Variants in LAMA2 observed in about 807,000 individuals in gnomAD.
The protein encoded by LAMA2 is laminin subunit alpha 2.
LAMA2 carries 269 observed loss-of-function variants against 364.8 expected under a neutral mutation model. The observed-to-expected ratio is 0.74, with a 90% CI of 0.67 to 0.82. The LOEUF is 0.82. Ranked by LOEUF, LAMA2 falls within the 40% of genes least tolerant of loss-of-function variation. The pLI is 0.00. For missense variants in LAMA2, 3,807 were observed against 3,873.2 expected (o/e 0.98, Z 0.45); for synonymous variants, 1,379 against 1,370.6 (o/e 1.01, Z -0.14).
chr6:129,128,821 T>G (rs900288052), intron 4 of LAMA2, among the ~76,000 whole-genome samples: 2 of 152,222 alleles, frequency 1.3e-5, no homozygotes, highest in African/African-American at 4.8e-5. Context: ...TACAGTAAAA[T>G]CCTTTATTCT....
intron 1 of LAMA2, among the ~76,000 whole-genome samples, chr6:128,936,915 A>G (rs1289500615): frequency 6.6e-6 from 1 of 152,178 alleles, no homozygotes; most frequent in African/African-American, 2.4e-5. Flanking sequence ...TGCCAGGTGC[A>G]TATGATATCA....
At chr6:128,885,363 A>G (rs1776089148) in intron 1 of LAMA2, among the ~76,000 whole-genome samples, 1 of 152,206 alleles carries the variant, frequency 6.6e-6, no homozygotes, top group East Asian at 1.9e-4. Context: ...TTCTCAAAGG[A>G]CAAATTTAGA....
chr6:128,997,960 G>C (rs1218978681), intron 1 of LAMA2, among the ~76,000 whole-genome samples: 2 of 152,094 alleles, frequency 1.3e-5, no homozygotes, highest in Non-Finnish European at 2.9e-5. Context: ...AGCCAGGAAG[G>C]AGAGAGTGAA....
At chr6:129,194,322 G>T (rs1781713084) in intron 12 of LAMA2, among the ~76,000 whole-genome samples, 2 of 152,004 alleles carry the variant, frequency 1.3e-5, no homozygotes, top group South Asian at 2.1e-4. Flanking sequence ...GCTTATAATA[G>T]AAATATTCTT....
At chr6:129,477,273 G>T (rs1784111651) in intron 53 of LAMA2, among the ~76,000 whole-genome samples, 1 of 151,270 alleles carries the variant, frequency 6.6e-6, no homozygotes, top group Admixed American at 6.6e-5. Context: ...ATAGCCACAT[G>T]TGGCTAGTAA....
chr6:129,044,703 A>T (rs899525292), intron 1 of LAMA2, among the ~76,000 whole-genome samples: 2 of 151,974 alleles, frequency 1.3e-5, no homozygotes, highest in African/African-American at 2.4e-5. Flanking sequence ...CTCCAACTAA[A>T]CTTATTTAGT....
At chr6:129,317,690 AT>A (rs2087943881) in intron 27 of LAMA2, among the ~76,000 whole-genome samples, 2 of 152,144 alleles carry the variant, frequency 1.3e-5, no homozygotes. Flanking sequence ...GCCATAGCAG[AT>A]TTGCATGTCT....
At chr6:128,883,413 C>T in intron 1 of LAMA2, 56 bp downstream of exon 1, 1 of 1,546,530 alleles carries the variant, frequency 6.5e-7, no homozygotes. Flanking sequence ...AGATTCCTCA[C>T]TTCTTCCACT....
chr6:129,072,439 G>C (rs980755321), intron 3 of LAMA2, among the ~76,000 whole-genome samples: 4 of 151,958 alleles, frequency 2.6e-5, no homozygotes, highest in Non-Finnish European at 4.4e-5. Context: ...CATATGTTGA[G>C]TGTACTTATA....
At chr6:129,442,884 T>C in intron 43 of LAMA2, 179 bp from the exon 44 acceptor site, 3 of 576,628 alleles carry the variant, frequency 5.2e-6, no homozygotes, top group Non-Finnish European at 9.1e-6. Context: ...CACTAAATTA[T>C]ATATTTTGTG....
intron 41 of LAMA2, among the ~76,000 whole-genome samples, chr6:129,431,580 GAC>G (rs1781598853): frequency 6.6e-6 from 1 of 152,026 alleles, no homozygotes; most frequent in South Asian, 2.1e-4. Context: ...GGAGAGCATG[GAC>G]CCCTGCACAG....
At position 129,447,706 on chromosome 6, in the gene LAMA2, A is replaced by C. The variant is rs189231967; in HGVS notation, c.6429+1885A>C. On this transcript the variant is annotated intron_variant, in intron 45 of 64. Coordinates refer to ENST00000421865, the MANE Select transcript of LAMA2 (RefSeq NM_000426.4). ...CCAGAAGCAGTGTATGGGGTAGATG[A>C]AAGAAAGAAGAATGAAGGACCCAAC... Among the ~76,000 whole-genome samples the C allele has an allele frequency of 2.6e-5, 4 of 152,322 alleles. No individual in the cohort carries two copies. The East Asian group carries it at 7.7e-4, about 29-fold the overall frequency.
intron 12 of LAMA2, among the ~76,000 whole-genome samples, chr6:129,243,122 T>C (rs1259891118): frequency 6.6e-6 from 1 of 152,136 alleles, no homozygotes; most frequent in Non-Finnish European, 1.5e-5. Context: ...GAACTCCTAA[T>C]TGTCTGGTTT....
At chr6:128,919,382 A>C (rs1034746649) in intron 1 of LAMA2, among the ~76,000 whole-genome samples, 1 of 152,228 alleles carries the variant, frequency 6.6e-6, no homozygotes, top group African/African-American at 2.4e-5. Context: ...CATCAACATC[A>C]TTATCATCAT....
chr6:128,911,369 C>T (rs1777933179), intron 1 of LAMA2, among the ~76,000 whole-genome samples: 2 of 152,162 alleles, frequency 1.3e-5, no homozygotes, highest in South Asian at 2.1e-4. Context: ...GTCGGAAAGG[C>T]GCAGTATTCG....
chr6:129,186,135 A>G (rs1016561980), intron 10 of LAMA2, among the ~76,000 whole-genome samples: 1 of 151,782 alleles, frequency 6.6e-6, no homozygotes, highest in Non-Finnish European at 1.5e-5. Flanking sequence ...TTTTGTTTAG[A>G]TTAACAGTTA....
intron 17 of LAMA2, among the ~76,000 whole-genome samples, chr6:129,275,928 A>G (rs1237746398): frequency 1.3e-5 from 2 of 152,076 alleles, no homozygotes; most frequent in Non-Finnish European, 2.9e-5. Context: ...CTAATTAAGA[A>G]ATGCAATTGT....
rs531966550 is a variant in LAMA2, at chr6:129,480,587, G to A, written c.7573-676G>A. 2.9e-3 allele frequency among the ~76,000 whole-genome samples: 442 copies of A among 152,246 alleles called. 5 individuals carry two copies. Among genetic ancestry groups the A allele is most frequent in the Non-Finnish European group, 4.6e-3 (312 of 67,996 alleles). Reference sequence around the variant, plus strand: ...TGAATGAATGAATGAATTATAGAAAGCTATATGCTTCTGCACAGCTTTGAG... The same window carrying A: ...TGAATGAATGAATGAATTATAGAAAACTATATGCTTCTGCACAGCTTTGAG... On this transcript the variant is annotated intron_variant, in intron 54 of 64. Transcript: ENST00000421865.
chr6:129,280,959 G>A (rs572206079), intron 18 of LAMA2, among the ~76,000 whole-genome samples: 38 of 152,192 alleles, frequency 2.5e-4, no homozygotes, highest in Non-Finnish European at 4.0e-4. Context: ...GTTTCTGCCC[G>A]TCTTTTCCTG....
Sources: allele counts gnomAD v4.1 joint callset (sites outside exome capture counted in the v4.1 genomes callset), GRCh38; gene constraint gnomAD v4.1.1; transcripts MANE v1.5; gene names NCBI Gene and HGNC (gene_info 2026-07-23, HGNC 2026-07-21).